The following OTOF variants were observed in gnomAD, a reference collection of about 807,000 sequenced individuals.
The protein encoded by OTOF is otoferlin, also known as fer-1-like family member 2.
Under a neutral mutation model 236.8 loss-of-function variants are expected in OTOF, and 218 were observed. The ratio of observed to expected loss-of-function variants is 0.92; its 90% CI spans 0.82 to 1.03. OTOF has a LOEUF of 1.03. Ranked by LOEUF, OTOF falls within the 50% of genes least tolerant of loss-of-function variation. The pLI is 0.00. For missense variants in OTOF, 2,590 were observed against 2,694.4 expected (o/e 0.96, Z 0.86); for synonymous variants, 1,041 against 1,072.5 (o/e 0.97, Z 0.57).
At chr2:26,522,861 A>G (rs1232104675) in intron 3 of OTOF, among the ~76,000 whole-genome samples, 1 of 152,216 alleles carries the variant, frequency 6.6e-6, no homozygotes, top group Admixed American at 6.5e-5. Flanking sequence ...TACTTGCCTT[A>G]CAGGGCCATC....
At position 26,558,551 on chromosome 2, in the gene OTOF, G is replaced by A; in HGVS notation, c.21C>T (p.Leu7=). 3 of 1,613,958 alleles carry A rather than the reference G, an allele frequency of 1.9e-6. No homozygotes were observed. Among genetic ancestry groups the A allele is most frequent in the Non-Finnish European group, 2.5e-6 (3 of 1,179,952 alleles). MALLIH[L]KTVSELRGRG... ...TGCCCCGCAGCTCCGAGACTGTCTT[G>A]AGGTGGATGAGCAAGGCCATGCTGG... Residue 7 remains leucine (L), a synonymous_variant, in exon 1 of 47, where the codon CTC becomes CTT. Transcript: ENST00000272371.
intron 16 of OTOF, 27 bp downstream of exon 16, chr2:26,480,176 C>T (rs573651693): frequency 2.3e-5 from 32 of 1,411,330 alleles, no homozygotes; most frequent in Non-Finnish European, 2.3e-5. Flanking sequence ...CACCTAGGCC[C>T]GAAGCCCCCG....
At chr2:26,550,560 G>T (rs1037671993) in intron 1 of OTOF, among the ~76,000 whole-genome samples, 18 of 152,160 alleles carry the variant, frequency 1.2e-4, no homozygotes, top group Non-Finnish European at 1.5e-5. Context: ...ATGTTTGCCA[G>T]AATTCAGGGT....
At chr2:26,478,309 G>A (rs1665416201) in intron 18 of OTOF, among the ~76,000 whole-genome samples, 1 of 152,236 alleles carries the variant, frequency 6.6e-6, no homozygotes, top group South Asian at 2.1e-4. Context: ...AAGGCTATGG[G>A]CTTTAATTGT....
In OTOF at chr2:26,465,848, G is replaced by T. The variant is rs1464708207; in HGVS notation, c.4629-6C>A. 6.2e-7 allele frequency: 1 copy of T among 1,614,244 alleles called. No homozygotes were observed. Among genetic ancestry groups the T allele is most frequent in the Non-Finnish European group, 8.5e-7 (1 of 1,180,042 alleles). Reference sequence around the variant, plus strand: ...AGGCCTCGATGTCAAAGGACCTGGTGGGGTGGAGTTAGGAGAAGGGCTTAA... The same window carrying T: ...AGGCCTCGATGTCAAAGGACCTGGTTGGGTGGAGTTAGGAGAAGGGCTTAA... On this transcript the variant is annotated splice_region_variant and splice_polypyrimidine_tract_variant and intron_variant, in intron 37 of 46. Transcript: ENST00000272371.
At chr2:26,492,109 C>A (rs1185694220) in intron 9 of OTOF, among the ~76,000 whole-genome samples, 2 of 152,094 alleles carry the variant, frequency 1.3e-5, no homozygotes. Context: ...GGAAACAAAG[C>A]TTTGGGGCTG....
At position 26,506,734 on chromosome 2, in the gene OTOF, T is replaced by C. The variant is rs550257827; in HGVS notation, c.510-2889A>G. Among the ~76,000 whole-genome samples the C allele has an allele frequency of 2.6e-5, 4 of 152,358 alleles. No individual in the cohort carries two copies. In the South Asian group the frequency reaches 8.3e-4, roughly 32 times the overall value. ...ACTTGTCCTGGTCCGGTGCGGTGAC[T>C]CACACCTGTAATCCCAGCACTTTGG... is the stretch of plus-strand genomic sequence containing the variant. On this transcript the variant is annotated intron_variant, in intron 5 of 46. Coordinates refer to ENST00000272371, the MANE Select transcript of OTOF (RefSeq NM_194248.3).
chr2:26,528,010 A>G, intron 2 of OTOF, 90 bp from the exon 3 acceptor site: 1 of 911,212 alleles, frequency 1.1e-6, no homozygotes, highest in Middle Eastern at 2.5e-4. Context: ...GGGATCTCCA[A>G]CAGTCAGAGT....
Position 26,458,149 on chromosome 2 carries a change from T to TACCGGGTG in OTOF, c.*81_*88dup, listed in dbSNP as rs1282763731. 6.2e-7 allele frequency: 1 copy of TACCGGGTG among 1,614,052 alleles called. No homozygotes were observed. The highest frequency in any genetic ancestry group is 1.7e-5 in the Admixed American group (1 of 60,022). On this transcript the variant is annotated 3_prime_UTR_variant, in exon 47 of 47. Transcript: ENST00000272371. ...CACGATCTTGATGATGAGCCACTTG[T>TACCGGGTG]ACCGGGTGCAGATGAGGTACTTGAT...
chr2:26,468,357 A>G, intron 33 of OTOF, 51 bp downstream of exon 33: 1 of 1,409,920 alleles, frequency 7.1e-7, no homozygotes. Context: ...AGGAGAGCTG[A>G]CCACCCAGGG....
At chr2:26,551,995 T>C (rs1667472689) in intron 1 of OTOF, among the ~76,000 whole-genome samples, 1 of 151,490 alleles carries the variant, frequency 6.6e-6, no homozygotes. Flanking sequence ...TGGCCATGAA[T>C]TGATGGTAGC....
At chr2:26,499,848 T>C (rs1666076008) in intron 8 of OTOF, among the ~76,000 whole-genome samples, 1 of 152,206 alleles carries the variant, frequency 6.6e-6, no homozygotes, top group South Asian at 2.1e-4. Flanking sequence ...AATTTCACAT[T>C]TGCATCCTCA....
intron 2 of OTOF, among the ~76,000 whole-genome samples, chr2:26,529,552 C>T (rs74417355): frequency 0.015 from 2,290 of 151,634 alleles, 63 homozygotes; most frequent in African/African-American, 0.053. Context: ...AGCAGGCCCT[C>T]GGGAGGAGGC....
rs548009875 is a variant in OTOF, at chr2:26,520,686, G to A, written c.228-1577C>T. ...CAGAGACAGAAGTGCTGGGCTGGGG[G>A]CCAGGAGCCCTGGAGCTGCTGCCCC... On this transcript the variant is annotated intron_variant, in intron 3 of 46. Coordinates refer to ENST00000272371, the MANE Select transcript of OTOF (RefSeq NM_194248.3). 2.4e-3 allele frequency among the ~76,000 whole-genome samples: 361 copies of A among 152,346 alleles called. 1 individual carries two copies. Among genetic ancestry groups the A allele is most frequent in the African/African-American group, 8.3e-3 (347 of 41,578 alleles).
chr2:26,505,139 A>G (rs555298126), intron 5 of OTOF, among the ~76,000 whole-genome samples: 2 of 152,272 alleles, frequency 1.3e-5, no homozygotes, highest in Admixed American at 6.5e-5. Context: ...TTTACTGTTC[A>G]TATGCAGGAC....
At chr2:26,503,918 C>G (rs577809563) in intron 5 of OTOF, 73 bp from the exon 6 acceptor site, 1 of 1,336,598 alleles carries the variant, frequency 7.5e-7, no homozygotes, top group South Asian at 1.2e-5. Flanking sequence ...CACAGAAGAG[C>G]CAAACATGAG....
intron 3 of OTOF, among the ~76,000 whole-genome samples, chr2:26,525,870 T>C (rs1024071771): frequency 1.3e-5 from 2 of 151,980 alleles, no homozygotes; most frequent in Non-Finnish European, 2.9e-5. Flanking sequence ...GTAGATCACT[T>C]GAGGTCAGGA....
intron 3 of OTOF, among the ~76,000 whole-genome samples, chr2:26,526,120 G>C (rs371074776): frequency 0.014 from 1,057 of 75,402 alleles, 10 homozygotes; most frequent in South Asian, 0.039. Flanking sequence ...AAAGAAAAAA[G>C]GTGGAAGGAT....
intron 2 of OTOF, among the ~76,000 whole-genome samples, chr2:26,537,149 C>A (rs951882956): frequency 1.3e-5 from 2 of 152,254 alleles, no homozygotes; most frequent in East Asian, 3.8e-4. Flanking sequence ...TCTCATGGAA[C>A]CCCCAGAGCT....
Sources: gnomAD v4.1 joint callset for allele counts (sites outside exome capture counted in the v4.1 genomes callset) on GRCh38, gnomAD v4.1.1 for gene constraint, MANE v1.5 for transcripts, NCBI Gene and HGNC (gene_info 2026-07-23, HGNC 2026-07-21) for gene names.